The following MAP3K5 variants were observed in gnomAD, a reference collection of about 807,000 sequenced individuals.
The protein encoded by MAP3K5 is ASK-1.
A neutral mutation model predicts 158.7 loss-of-function variants in MAP3K5; 56 were observed. The observed-to-expected ratio is 0.35, with a 90% CI of 0.28 to 0.44. The LOEUF is 0.44. Among genes scored for constraint, MAP3K5 ranks in the 20% least tolerant of loss-of-function variants. The pLI, the probability that MAP3K5 is intolerant of heterozygous loss-of-function variation, is 1.00. For missense variants in MAP3K5, 1,294 were observed against 1,674.8 expected (o/e 0.77, Z 3.97); for synonymous variants, 579 against 601.7 (o/e 0.96, Z 0.55).
At chr6:136,661,374 C>T (rs937664919) in intron 8 of MAP3K5, among the ~76,000 whole-genome samples, 8 of 152,194 alleles carry the variant, frequency 5.3e-5, no homozygotes, top group East Asian at 1.9e-4. Flanking sequence ...ACAACATCCA[C>T]GGTCTTCTAT....
In MAP3K5 at chr6:136,780,180, T is replaced by A. The variant is rs1360251597; in HGVS notation, c.448+11530A>T. On this transcript the variant is annotated intron_variant, in intron 1 of 29. Coordinates refer to ENST00000359015, the MANE Select transcript of MAP3K5 (RefSeq NM_005923.4). ...TACCTTTGATTGTCCTCCTAGTGATTTGGCTATTTTACAATGCTGTTGGGG... is the reference window on the plus strand; with the variant it reads ...TACCTTTGATTGTCCTCCTAGTGATATGGCTATTTTACAATGCTGTTGGGG... Among the ~76,000 whole-genome samples, 9 of 152,226 alleles carry A rather than the reference T, an allele frequency of 5.9e-5. No individual in the cohort carries two copies. The South Asian group carries it at 1.7e-3, about 28-fold the overall frequency.
chr6:136,714,817 G>T (rs1781453136), intron 2 of MAP3K5, among the ~76,000 whole-genome samples: 1 of 152,112 alleles, frequency 6.6e-6, no homozygotes, highest in Non-Finnish European at 1.5e-5. Context: ...GGCTAATTTA[G>T]TGAAATGTTA....
chr6:136,791,034 G>C (rs554327311), intron 1 of MAP3K5, among the ~76,000 whole-genome samples: 114 of 152,240 alleles, frequency 7.5e-4, no homozygotes, highest in Non-Finnish European at 1.5e-3. Context: ...AGCCCACCAT[G>C]GTTTATGGGG....
At chr6:136,678,607 T>C (rs1234034356) in intron 7 of MAP3K5, among the ~76,000 whole-genome samples, 2 of 152,110 alleles carry the variant, frequency 1.3e-5, no homozygotes, top group Non-Finnish European at 2.9e-5. Context: ...TAGAGAACTA[T>C]ACATTTACAT....
At chr6:136,703,165 C>T (rs1417038190) in intron 3 of MAP3K5, among the ~76,000 whole-genome samples, 1 of 152,116 alleles carries the variant, frequency 6.6e-6, no homozygotes, top group Non-Finnish European at 1.5e-5. Context: ...TAGAGATGCT[C>T]GAAATATTCA....
chr6:136,743,278 G>T (rs369116260), intron 1 of MAP3K5, among the ~76,000 whole-genome samples: 1 of 151,998 alleles, frequency 6.6e-6, no homozygotes. Flanking sequence ...GTGAAACCCC[G>T]TGTCTACTAA....
At chr6:136,658,731 A>G (rs1778876275) in intron 9 of MAP3K5, among the ~76,000 whole-genome samples, 1 of 152,248 alleles carries the variant, frequency 6.6e-6, no homozygotes, top group Non-Finnish European at 1.5e-5. Flanking sequence ...TCAAATTAGA[A>G]AAACACACAA....
In MAP3K5 at chr6:136,697,304, G is replaced by A. The variant is rs775879849; in HGVS notation, c.890C>T (p.Ala297Val). 1.2e-6 allele frequency: 2 copies of A among 1,613,676 alleles called. No individual in the cohort carries two copies. Among genetic ancestry groups the A allele is most frequent in the Non-Finnish European group, 1.7e-6 (2 of 1,179,728 alleles). ...YTGKELAAEL[A>V]RIRQRVDNIE... ...ATTATCTACTCGCTGCCGAATTCTTGCCAACTCAGCTGCCAATTCTTTACC... is the reference window on the plus strand; with the variant it reads ...ATTATCTACTCGCTGCCGAATTCTTACCAACTCAGCTGCCAATTCTTTACC... The change falls in exon 5 of 30, where the codon GCA (alanine) becomes GTA (valine). Residue 297 changes from alanine to valine, a missense_variant. This residue lies in a region of MAP3K5 where 690 missense variants were observed against 870.5 expected (regional missense o/e 0.79). Coordinates refer to ENST00000359015, the MANE Select transcript of MAP3K5 (RefSeq NM_005923.4).
chr6:136,567,943 A>C, intron 25 of MAP3K5, 69 bp from the exon 26 acceptor site: 1 of 1,502,150 alleles, frequency 6.7e-7, no homozygotes, highest in Non-Finnish European at 9.1e-7. Flanking sequence ...TTAAGATATG[A>C]ATGCTACCCT....
intron 8 of MAP3K5, among the ~76,000 whole-genome samples, chr6:136,660,860 T>C (rs1311807652): frequency 6.6e-6 from 1 of 152,216 alleles, no homozygotes; most frequent in Admixed American, 6.5e-5. Flanking sequence ...CTTGTTAACT[T>C]GCAGATTTTT....
chr6:136,712,549 T>G (rs1164091466), intron 2 of MAP3K5, among the ~76,000 whole-genome samples: 1 of 152,240 alleles, frequency 6.6e-6, no homozygotes, highest in Non-Finnish European at 1.5e-5. Context: ...GTTGTTTCTT[T>G]CAGCAACACC....
chr6:136,763,068 C>A (rs771689942), intron 1 of MAP3K5, among the ~76,000 whole-genome samples: 2 of 152,198 alleles, frequency 1.3e-5, no homozygotes, highest in Non-Finnish European at 2.9e-5. Flanking sequence ...GCACAGATCA[C>A]TGCAACCTCC....
intron 2 of MAP3K5, among the ~76,000 whole-genome samples, chr6:136,709,766 A>G (rs1781230676): frequency 6.6e-6 from 1 of 152,186 alleles, no homozygotes; most frequent in Admixed American, 6.5e-5. Context: ...TTGTGCCTGC[A>G]AACTATAAAA....
chr6:136,783,460 C>G (rs1485804099), intron 1 of MAP3K5, among the ~76,000 whole-genome samples: 1 of 152,170 alleles, frequency 6.6e-6, no homozygotes, highest in Non-Finnish European at 1.5e-5. Flanking sequence ...TCCCCACCTA[C>G]CTATATCCAA....
At position 136,683,137 on chromosome 6, in the gene MAP3K5, CAT is replaced by C. The variant is rs1258765013; in HGVS notation, c.1253+11001_1253+11002del. On this transcript the variant is annotated intron_variant, in intron 7 of 29. Transcript: ENST00000359015. Reference sequence around the variant, plus strand: ...GGCTTACTAAATTTCAGGACTTTAACATATGTTGTTTCATTTAATCCTCACAA... The same window carrying C: ...GGCTTACTAAATTTCAGGACTTTAACATGTTGTTTCATTTAATCCTCACAA... 2.0e-5 allele frequency among the ~76,000 whole-genome samples: 3 copies of C among 152,164 alleles called. No homozygotes were observed. In the East Asian group the frequency reaches 5.8e-4, roughly 29 times the overall value.
At chr6:136,701,512 A>C (rs1406954803) in intron 3 of MAP3K5, among the ~76,000 whole-genome samples, 1 of 152,218 alleles carries the variant, frequency 6.6e-6, no homozygotes, top group Non-Finnish European at 1.5e-5. Context: ...TTAGAAGAGG[A>C]AACAATAATT....
chr6:136,627,500 C>A (rs1457235295), intron 14 of MAP3K5, among the ~76,000 whole-genome samples: 2 of 152,152 alleles, frequency 1.3e-5, no homozygotes, highest in South Asian at 2.1e-4. Context: ...TGTTTGCGTA[C>A]CCCCCTCTTC....
At chr6:136,618,464 G>C (rs140726521) in intron 15 of MAP3K5, among the ~76,000 whole-genome samples, 3 of 152,292 alleles carry the variant, frequency 2.0e-5, no homozygotes, top group African/African-American at 7.2e-5. Flanking sequence ...GGTGTGCTTT[G>C]TGTGTGTATA....
intron 15 of MAP3K5, 59 bp from the exon 16 acceptor site, chr6:136,614,345 T>G: frequency 6.4e-7 from 1 of 1,570,318 alleles, no homozygotes; most frequent in African/African-American, 1.4e-5. Flanking sequence ...CTGTATAAAT[T>G]TAAACAATAC....
Sources: gnomAD v4.1 joint callset for allele counts (sites outside exome capture counted in the v4.1 genomes callset) on GRCh38, gnomAD v4.1.1 for gene constraint, gnomAD v4.1.1 regional missense constraint, MANE v1.5 for transcripts, NCBI Gene and HGNC (gene_info 2026-07-23, HGNC 2026-07-21) for gene names.